The following FOXP1 variants were observed in gnomAD, a reference collection of about 807,000 sequenced individuals.
FOXP1 encodes forkhead box protein P1.
A neutral mutation model predicts 98.2 loss-of-function variants in FOXP1; 15 were observed. That is an observed-to-expected ratio of 0.15 (90% CI 0.10 to 0.24). FOXP1 has a LOEUF of 0.24. FOXP1 is among the 10% of genes least tolerant of loss of function. The pLI is 1.00. For synonymous variants in FOXP1, 371 were observed against 314.5 expected, an observed-to-expected ratio of 1.18 and a Z score of -1.90; for missense variants, 633 against 848.5, an observed-to-expected ratio of 0.75 and a Z score of 3.15.
chr3:71,015,651 A>G lies in FOXP1; in HGVS notation c.872T>C (p.Leu291Ser), dbSNP rs542877012. The G allele has an allele frequency of 1.7e-4, 279 of 1,594,398 alleles. 2 individuals carry two copies. The South Asian group carries it at 2.9e-3, about 17-fold the overall frequency. Residue 291 changes from leucine (L) to serine (S), a missense_variant and splice_region_variant, in exon 12 of 21, where the codon TTG becomes TCG. Leu to Ser is a moderately radical substitution (Grantham distance 145). Transcript: ENST00000649528. ...LSVHTPKRES[L>S]SHEEHPHSHP... ...GCTATGGGGGTGCTCCTCATGGGAC[A>G]AACTGAAAGAAAACACACAGAAGAC...
chr3:71,082,821 G>A (rs541625677), intron 7 of FOXP1, among the ~76,000 whole-genome samples: 6 of 152,230 alleles, frequency 3.9e-5, no homozygotes, highest in Non-Finnish European at 8.8e-5. Context: ...ATTAAACGTC[G>A]AATTGTCCAA....
At chr3:71,422,118 TAACTC>T (rs2083702370) in intron 3 of FOXP1, among the ~76,000 whole-genome samples, 1 of 152,160 alleles carries the variant, frequency 6.6e-6, no homozygotes, top group Non-Finnish European at 1.5e-5. Context: ...CAGGAAACAT[TAACTC>T]ACCCGCTAGT....
At position 70,955,819 on chromosome 3, in the gene FOXP1, C is replaced by G; in HGVS notation, c.*3428G>C. The G allele has an allele frequency of 4.4e-6, 1 of 225,782 alleles. No homozygotes were observed. Among genetic ancestry groups the G allele is most frequent in the Non-Finnish European group, 8.5e-6 (1 of 117,718 alleles). The allele number at this position is 225,782 out of a possible 1,614,324, so 14.0% of individuals were successfully genotyped here. ...GAATGTATCAAAAAACAGATTAACA[C>G]ACACGCACGCGCGCACACACACACA... On this transcript the variant is annotated 3_prime_UTR_variant, in exon 21 of 21. Transcript: ENST00000649528.
At chr3:71,124,045 C>T (rs1009932886) in intron 6 of FOXP1, among the ~76,000 whole-genome samples, 2 of 151,658 alleles carry the variant, frequency 1.3e-5, no homozygotes, top group African/African-American at 2.4e-5. Flanking sequence ...ACCTGGGTGT[C>T]GGGATATCCC....
At chr3:71,378,679 G>A (rs940844471) in intron 3 of FOXP1, among the ~76,000 whole-genome samples, 5 of 151,434 alleles carry the variant, frequency 3.3e-5, no homozygotes, top group Non-Finnish European at 5.9e-5. Flanking sequence ...TGGTATAATT[G>A]TTTTATTTTA....
At chr3:71,510,134 T>C (rs140783832) in intron 2 of FOXP1, among the ~76,000 whole-genome samples, 2,182 of 151,068 alleles carry the variant, frequency 0.014, 38 homozygotes, top group African/African-American at 0.05. Flanking sequence ...TGAGCCGAGA[T>C]TGCGCCATTG....
intron 5 of FOXP1, among the ~76,000 whole-genome samples, chr3:71,292,931 A>G (rs990479906): frequency 5.3e-5 from 8 of 152,186 alleles, no homozygotes; most frequent in Non-Finnish European, 1.0e-4. Flanking sequence ...AGATACCACA[A>G]ACTTCAAATC....
chr3:71,496,387 G>C (rs1356129593), intron 2 of FOXP1, among the ~76,000 whole-genome samples: 2 of 152,196 alleles, frequency 1.3e-5, no homozygotes, highest in Non-Finnish European at 2.9e-5. Flanking sequence ...ATACTCGAAG[G>C]CTTGGGGGTG....
At chr3:71,534,292 G>A (rs1251456541) in intron 2 of FOXP1, among the ~76,000 whole-genome samples, 1 of 152,126 alleles carries the variant, frequency 6.6e-6, no homozygotes, top group African/African-American at 2.4e-5. Context: ...GGACCTGGGG[G>A]GGTGGAGGTT....
intron 14 of FOXP1, among the ~76,000 whole-genome samples, chr3:70,985,242 A>G (rs1451661532): frequency 6.6e-6 from 1 of 152,216 alleles, no homozygotes; most frequent in African/African-American, 2.4e-5. Context: ...TCATTCAAAC[A>G]AACGCCATGC....
chr3:71,244,616 C>A (rs146884041), intron 5 of FOXP1, among the ~76,000 whole-genome samples: 1 of 152,004 alleles, frequency 6.6e-6, no homozygotes, highest in Non-Finnish European at 1.5e-5. Flanking sequence ...TGCCACAGAT[C>A]GGGGGTGTTT....
At chr3:71,024,097 G>A (rs902391402) in intron 11 of FOXP1, among the ~76,000 whole-genome samples, 2 of 152,120 alleles carry the variant, frequency 1.3e-5, no homozygotes, top group African/African-American at 4.8e-5. Context: ...AAAACAGAAC[G>A]ACAGGTAAAG....
chr3:71,456,499 C>A (rs11720980), intron 3 of FOXP1, among the ~76,000 whole-genome samples: 47,602 of 151,946 alleles, frequency 0.31, 7,645 homozygotes, highest in Middle Eastern at 0.37. Flanking sequence ...ATTTGTTTTA[C>A]ATGTTCCCCT....
chr3:71,055,514 C>A (rs2050501518), intron 7 of FOXP1, among the ~76,000 whole-genome samples: 1 of 152,084 alleles, frequency 6.6e-6, no homozygotes, highest in Non-Finnish European at 1.5e-5. Flanking sequence ...ATAAATTACC[C>A]TTTTAAAAAG....
chr3:71,342,997 GAAGGTGGT>G (rs554096503), intron 4 of FOXP1, among the ~76,000 whole-genome samples: 40 of 152,330 alleles, frequency 2.6e-4, no homozygotes, highest in African/African-American at 9.4e-4. Context: ...CCTGTAACAT[GAAGGTGGT>G]AAGAGGAGCT....
intron 3 of FOXP1, among the ~76,000 whole-genome samples, chr3:71,378,095 AAC>A (rs67369125): frequency 0.39 from 37,849 of 96,032 alleles, 6,192 homozygotes; most frequent in Non-Finnish European, 0.51. Context: ...CAGGCCAAGA[AAC>A]AAAAAAAAAA....
At chr3:71,237,421 T>C (rs2066894947) in intron 5 of FOXP1, among the ~76,000 whole-genome samples, 2 of 152,096 alleles carry the variant, frequency 1.3e-5, no homozygotes, top group Non-Finnish European at 1.5e-5. Flanking sequence ...TGATTGGGGC[T>C]AGCTAGCCAC....
chr3:71,295,885 C>T (rs2073237553), intron 5 of FOXP1, among the ~76,000 whole-genome samples: 1 of 152,210 alleles, frequency 6.6e-6, no homozygotes, highest in Admixed American at 6.5e-5. Context: ...TCCATCTTGA[C>T]ATTCTGGATG....
intron 12 of FOXP1, among the ~76,000 whole-genome samples, chr3:71,007,634 G>A (rs945777653): frequency 2.0e-5 from 3 of 152,140 alleles, no homozygotes; most frequent in African/African-American, 7.2e-5. Context: ...AGGCTTTCTT[G>A]AAGTGTTTTC....
Sources: allele counts gnomAD v4.1 joint callset (sites outside exome capture counted in the v4.1 genomes callset), GRCh38; gene constraint gnomAD v4.1.1; transcripts MANE v1.5; gene names NCBI Gene and HGNC (gene_info 2026-07-23, HGNC 2026-07-21).